TRIM71: variants seen among roughly 807,000 people sequenced by gnomAD.
TRIM71 encodes E3 ubiquitin-protein ligase TRIM71.
In TRIM71, 9 loss-of-function variants were observed where a neutral mutation model predicts 61.2. That is an observed-to-expected ratio of 0.15 (90% CI 0.09 to 0.26). The LOEUF is 0.26. TRIM71 is among the 10% of genes least tolerant of loss of function. TRIM71 has a pLI of 1.00. For synonymous variants in TRIM71, 645 were observed against 553.2 expected, an observed-to-expected ratio of 1.17 and a Z score of -2.33; for missense variants, 998 against 1,238.7, an observed-to-expected ratio of 0.81 and a Z score of 2.92.
chr3:32,870,584 C>T (rs899151168), intron 1 of TRIM71, among the ~76,000 whole-genome samples: 1 of 152,076 alleles, frequency 6.6e-6, no homozygotes, highest in Non-Finnish European at 1.5e-5. Context: ...CCCTGCCTTT[C>T]GCTGCCATAC....
chr3:32,856,260 G>T (rs958342571), intron 1 of TRIM71, among the ~76,000 whole-genome samples: 1 of 151,946 alleles, frequency 6.6e-6, no homozygotes, highest in Non-Finnish European at 1.5e-5. Flanking sequence ...CTCGTGATCC[G>T]CCTGCCTCGG....
intron 2 of TRIM71, among the ~76,000 whole-genome samples, chr3:32,877,912 C>T (rs576030702): frequency 3.2e-4 from 48 of 152,252 alleles, no homozygotes; most frequent in African/African-American, 1.1e-3. Flanking sequence ...GATATTTTGA[C>T]CTCTACCTAT....
intron 1 of TRIM71, among the ~76,000 whole-genome samples, chr3:32,853,515 C>T (rs1696563001): frequency 6.6e-6 from 1 of 152,216 alleles, no homozygotes. Flanking sequence ...CTTCCAGTCT[C>T]ATGTGGTGCT....
At chr3:32,874,061 T>C (rs1696826324) in intron 2 of TRIM71, 76 bp downstream of exon 2, 3 of 1,461,400 alleles carry the variant, frequency 2.1e-6, no homozygotes, top group Non-Finnish European at 2.8e-6. Context: ...GGACAGACAA[T>C]TGGGCAGATT....
Position 32,890,998 on chromosome 3 carries a change from T to C in TRIM71, c.1794T>C (p.Ser598=). The C allele has an allele frequency of 6.2e-7, 1 of 1,614,064 alleles. No homozygotes were observed. Among genetic ancestry groups the C allele is most frequent in the Non-Finnish European group, 8.5e-7 (1 of 1,180,022 alleles). The change falls in exon 4 of 4, where the codon AGT becomes AGC. Residue 598 remains serine, a synonymous_variant. Transcript: ENST00000383763. The surrounding 1 kb of genome is among the most constrained non-coding windows in gnomAD (Gnocchi z 6.2). The part of the protein sequence containing the change: ...GIGLPGLSFG[S]EGDSDGKLCR... ...GGCTCCCGGGCCTGAGCTTCGGCAGTGAGGGTGACAGCGATGGCAAGCTCT... is the reference window on the plus strand; with the variant it reads ...GGCTCCCGGGCCTGAGCTTCGGCAGCGAGGGTGACAGCGATGGCAAGCTCT...
At chr3:32,873,592 C>T (rs1462782787) in intron 1 of TRIM71, among the ~76,000 whole-genome samples, 1 of 152,118 alleles carries the variant, frequency 6.6e-6, no homozygotes, top group Non-Finnish European at 1.5e-5. Context: ...TGTGTTCCCC[C>T]CTCCATTCCC....
chr3:32,829,612 TTAA>T (rs1696244658), intron 1 of TRIM71, among the ~76,000 whole-genome samples: 1 of 145,502 alleles, frequency 6.9e-6, no homozygotes, highest in Non-Finnish European at 1.5e-5. Context: ...TTAGTAAGCA[TTAA>T]TGTCATGGTA....
intron 1 of TRIM71, among the ~76,000 whole-genome samples, chr3:32,869,543 A>T (rs993878193): frequency 6.6e-6 from 1 of 152,234 alleles, no homozygotes; most frequent in Admixed American, 6.5e-5. Flanking sequence ...GTGCACGTGC[A>T]TTTGCATGTG....
At chr3:32,881,946 A>T (rs758850447) in intron 2 of TRIM71, among the ~76,000 whole-genome samples, 4 of 152,206 alleles carry the variant, frequency 2.6e-5, no homozygotes, top group Non-Finnish European at 5.9e-5. Context: ...CTTGCTGATT[A>T]TTAAAATTGC....
chr3:32,858,904 T>G (rs924998460), intron 1 of TRIM71, among the ~76,000 whole-genome samples: 1 of 152,204 alleles, frequency 6.6e-6, no homozygotes, highest in Non-Finnish European at 1.5e-5. Flanking sequence ...TTTCACCAGC[T>G]AAGAGCTTGT....
intron 1 of TRIM71, among the ~76,000 whole-genome samples, chr3:32,861,185 C>CTT (rs1024080140): frequency 6.9e-6 from 1 of 145,864 alleles, no homozygotes; most frequent in South Asian, 2.3e-4. Context: ...AGTAAATAAT[C>CTT]TTTTTTTTTT....
In TRIM71 at chr3:32,818,647, G is replaced by C; in HGVS notation, c.567G>C (p.Ser189=). 1 of 1,472,140 alleles carries C rather than the reference G, an allele frequency of 6.8e-7. No homozygotes were observed. Among genetic ancestry groups the C allele is most frequent in the Middle Eastern group, 2.2e-4 (1 of 4,558 alleles). The allele number at this position is 1,472,140 out of a possible 1,614,324, so 91.2% of individuals were successfully genotyped here. The change falls in exon 1 of 4, where the codon TCG becomes TCC. Residue 189 remains serine (S), a synonymous_variant. Coordinates refer to ENST00000383763, the MANE Select transcript of TRIM71 (RefSeq NM_001039111.3). ...CCGGCGGCCCTGCCGCTTCCCCGTCGGCGCTGCTGCTCCGCCGTCCTCACG... is the reference window on the plus strand; with the variant it reads ...CCGGCGGCCCTGCCGCTTCCCCGTCCGCGCTGCTGCTCCGCCGTCCTCACG... The part of the protein sequence containing the change: ...SAPGGPAASP[S]ALLLRRPHGC...
chr3:32,873,919 G>A lies in TRIM71; in HGVS notation c.954G>A (p.Leu318=). The change falls in exon 2 of 4, where the codon CTG becomes CTA. Residue 318 remains leucine, a synonymous_variant. Coordinates refer to ENST00000383763, the MANE Select transcript of TRIM71 (RefSeq NM_001039111.3). ...GHSFIYLQEA[L]QDSRALTIQL... is the part of the protein sequence containing the mutation. ...GCTTCATCTACCTCCAGGAGGCACT[G>A]CAGGACTCACGGGCACTCACCATCC... is the stretch of plus-strand genomic sequence containing the variant. 1 of 1,614,002 alleles carries A rather than the reference G, an allele frequency of 6.2e-7. No individual in the cohort carries two copies. The highest frequency in any genetic ancestry group is 8.5e-7 in the Non-Finnish European group (1 of 1,179,934).
Position 32,893,996 on chromosome 3 carries a change from A to C in TRIM71, c.*2185A>C, listed in dbSNP as rs146945007. The C allele has an allele frequency of 2.6e-5, 4 of 152,322 alleles. No homozygotes were observed. Among genetic ancestry groups the C allele is most frequent in the Non-Finnish European group, 5.9e-5 (4 of 68,030 alleles). 9.4% of individuals were successfully genotyped at this position (152,322 alleles called of 1,614,324 possible). A position where few individuals can be genotyped will look rare whatever the true frequency, so the allele number is the denominator to read the frequency against. ...GTGTTAGGAAATGTTGTTTGTTAGAAGCTCCTTTTACTGTAGAATTTAATA... is the reference window on the plus strand; with the variant it reads ...GTGTTAGGAAATGTTGTTTGTTAGACGCTCCTTTTACTGTAGAATTTAATA... On this transcript the variant is annotated 3_prime_UTR_variant, in exon 4 of 4. Coordinates refer to ENST00000383763, the MANE Select transcript of TRIM71 (RefSeq NM_001039111.3).
intron 1 of TRIM71, among the ~76,000 whole-genome samples, chr3:32,832,662 G>A (rs1696285548): frequency 6.6e-6 from 1 of 152,014 alleles, no homozygotes; most frequent in African/African-American, 2.4e-5. Flanking sequence ...TCCAGCCTGG[G>A]TTCCAAAGTG....
rs1465020426 is a variant in TRIM71, at chr3:32,818,043, C to T, written c.-38C>T. The T allele has an allele frequency of 4.4e-6, 7 of 1,594,036 alleles. No individual in the cohort carries two copies. Among genetic ancestry groups the T allele is most frequent in the Admixed American group, 3.4e-5 (2 of 59,168 alleles). ...GCTCTCTCCTCCTCCTCCTCCTCTT[C>T]CTCTCTGGTCTCCTCCCTCCTCCGG... On this transcript the variant is annotated 5_prime_UTR_variant, in exon 1 of 4. Coordinates refer to ENST00000383763, the MANE Select transcript of TRIM71 (RefSeq NM_001039111.3).
At chr3:32,863,335 G>A (rs1211245069) in intron 1 of TRIM71, among the ~76,000 whole-genome samples, 1 of 150,342 alleles carries the variant, frequency 6.7e-6, no homozygotes, top group African/African-American at 2.4e-5. Context: ...CCTCAGCTGT[G>A]ACTATAGGCA....
intron 1 of TRIM71, among the ~76,000 whole-genome samples, chr3:32,834,635 AGATCGAGACCATCCT>A (rs1457270176): frequency 4.6e-5 from 7 of 152,196 alleles, no homozygotes; most frequent in African/African-American, 1.7e-4. Flanking sequence ...CAAGGTCAAG[AGATCGAGACCATCCT>A]GACCAACATG....
intron 1 of TRIM71, among the ~76,000 whole-genome samples, chr3:32,829,638 GTGTGTGTGTGTGTT>G (rs1272519853): frequency 1.3e-5 from 2 of 151,644 alleles, no homozygotes; most frequent in African/African-American, 4.8e-5. Context: ...GTGTGTGTGT[GTGTGTGTGTGTGTT>G]TGTGTGTGCG....
Sources: allele counts gnomAD v4.1 joint callset (sites outside exome capture counted in the v4.1 genomes callset), GRCh38; gene constraint gnomAD v4.1.1; non-coding constraint Gnocchi (gnomAD v3.1); transcripts MANE v1.5; gene names NCBI Gene and HGNC (gene_info 2026-07-23, HGNC 2026-07-21).